The following PRAMEF17 variants were observed in gnomAD, a reference collection of about 807,000 sequenced individuals.
PRAMEF17 encodes the protein PRAME family member 17.
A neutral mutation model predicts 36.8 loss-of-function variants in PRAMEF17; 48 were observed. That is an observed-to-expected ratio of 1.30 (90% CI 1.03 to 1.66). The LOEUF is 1.66. PRAMEF17 is among the 40% of genes most tolerant of loss of function. The pLI is 0.00. For missense variants in PRAMEF17, 639 were observed against 560.6 expected, an observed-to-expected ratio of 1.14 and a Z score of -1.41; for synonymous variants, 246 against 220.4, an observed-to-expected ratio of 1.12 and a Z score of -1.03.
intron 2 of PRAMEF17, 142 bp from the exon 3 acceptor site, chr1:13,391,802 C>T (rs1640886551): frequency 1.6e-6 from 2 of 1,271,992 alleles, no homozygotes; most frequent in Non-Finnish European, 2.2e-6. Context: ...CAGGCTTCCC[C>T]ATTGCAGGTT....
At position 13,390,798 on chromosome 1, in the gene PRAMEF17, G is replaced by A; in HGVS notation, c.745G>A (p.Val249Ile). The change falls in exon 2 of 3, where the codon GTA (valine) becomes ATA (isoleucine). Residue 249 changes from valine (V) to isoleucine (I), a missense_variant. Transcript: ENST00000376098. Reference sequence around the variant, plus strand: ...CTTCGGTTATGACGATGAGTTATATGTAAGCGGCCAACAGCAGTTCGTTCC... The same window carrying A: ...CTTCGGTTATGACGATGAGTTATATATAAGCGGCCAACAGCAGTTCGTTCC... ...LAFGYDDELYVSGQQQFVPDL... is the reference protein window; with the variant it reads ...LAFGYDDELYISGQQQFVPDL... The A allele has an allele frequency of 6.2e-7, 1 of 1,611,966 alleles. No homozygotes were observed. The highest frequency in any genetic ancestry group is 8.5e-7 in the Non-Finnish European group (1 of 1,179,850).
At chr1:13,391,685 C>T (rs1640882248) in intron 2 of PRAMEF17, among the ~76,000 whole-genome samples, 1 of 152,160 alleles carries the variant, frequency 6.6e-6, no homozygotes, top group African/African-American at 2.4e-5. Flanking sequence ...GCTGAAAGGA[C>T]TGAGCCTAAA....
At chr1:13,390,043 C>T in intron 1 of PRAMEF17, 99 bp downstream of exon 1, 1 of 1,567,698 alleles carries the variant, frequency 6.4e-7, no homozygotes, top group Non-Finnish European at 8.7e-7. Context: ...TAGGGTGGCT[C>T]AGAGGCTTCT....
In PRAMEF17 at chr1:13,389,878, A is replaced by G; in HGVS notation, c.221A>G (p.His74Arg). Residue 74 changes from histidine to arginine, a missense_variant, in exon 1 of 3, where the codon CAT becomes CGT. His to Arg is a conservative substitution (Grantham distance 29). Coordinates refer to ENST00000376098, the MANE Select transcript of PRAMEF17 (RefSeq NM_001099851.3). ...LPLGSLMKTP[H>R]LETLQAVLKG... Reference sequence around the variant, plus strand: ...CTGGGATCCCTGATGAAGACACCTCATCTGGAGACCTTGCAAGCTGTGCTG... The same window carrying G: ...CTGGGATCCCTGATGAAGACACCTCGTCTGGAGACCTTGCAAGCTGTGCTG... The G allele has an allele frequency of 1.2e-6, 2 of 1,613,542 alleles. No homozygotes were observed. The highest frequency in any genetic ancestry group is 2.2e-5 in the South Asian group (2 of 91,040).
Position 13,392,139 on chromosome 1 carries a change from C to T in PRAMEF17, c.1062C>T (p.Leu354=). The part of the protein sequence containing the change: ...LEKVAATLEI[L]TLKDCQIQDS... Reference sequence around the variant, plus strand: ...AAGTTGCTGCTACTCTCGAGATCCTCACGTTAAAGGACTGTCAGATCCAGG... The same window carrying T: ...AAGTTGCTGCTACTCTCGAGATCCTTACGTTAAAGGACTGTCAGATCCAGG... Residue 354 remains leucine (L), a synonymous_variant, in exon 3 of 3, where the codon CTC becomes CTT. Coordinates refer to ENST00000376098, the MANE Select transcript of PRAMEF17 (RefSeq NM_001099851.3). 1.9e-6 allele frequency: 3 copies of T among 1,611,970 alleles called. No individual in the cohort carries two copies. The African/African-American group carries it at 4.0e-5, about 22-fold the overall frequency.
intron 2 of PRAMEF17, 120 bp from the exon 3 acceptor site, chr1:13,391,824 T>A: frequency 7.1e-7 from 1 of 1,415,008 alleles, no homozygotes; most frequent in Non-Finnish European, 9.8e-7. Flanking sequence ...CTACAACACC[T>A]GTGTGGTAGT....
chr1:13,390,263 C>A (rs1221607994), intron 1 of PRAMEF17, 78 bp from the exon 2 acceptor site: 1 of 1,599,772 alleles, frequency 6.3e-7, no homozygotes, highest in Non-Finnish European at 8.5e-7. Flanking sequence ...TGACTGATGT[C>A]CTGGATGTTG....
In PRAMEF17 at chr1:13,391,968, C is replaced by G. The variant is rs1640890568; in HGVS notation, c.891C>G (p.Thr297=). 3 of 1,611,486 alleles carry G rather than the reference C, an allele frequency of 1.9e-6. No individual in the cohort carries two copies. Among genetic ancestry groups the G allele is most frequent in the Admixed American group, 1.7e-5 (1 of 59,964 alleles). Residue 297 remains threonine (T), a synonymous_variant, in exon 3 of 3, where the codon ACC becomes ACG. Coordinates refer to ENST00000376098, the MANE Select transcript of PRAMEF17 (RefSeq NM_001099851.3). ...LLRCLKNPLG[T]FIFCHAYLAD... ...GGTGCCTCAAGAACCCCTTGGGAAC[C>G]TTTATATTCTGTCATGCTTACCTAG...
chr1:13,390,026 G>A (rs1162048613), intron 1 of PRAMEF17, 82 bp downstream of exon 1: 23 of 1,598,070 alleles, frequency 1.4e-5, no homozygotes, highest in Non-Finnish European at 1.7e-5. Flanking sequence ...TGGTGGGGTT[G>A]GGGAGCTAGG....
Position 13,390,605 on chromosome 1 carries a change from G to A in PRAMEF17, c.552G>A (p.Lys184=), listed in dbSNP as rs372095942. ...GTCTAGTGCACCTGTGTTGTAATAA[G>A]GTGCAGAATTACTCAATGCCCACTT... is the stretch of plus-strand genomic sequence containing the variant. ...RRGLVHLCCN[K]VQNYSMPTSS... The change falls in exon 2 of 3, where the codon AAG becomes AAA. Residue 184 remains lysine, a synonymous_variant. Transcript: ENST00000376098. The A allele has an allele frequency of 6.1e-5, 98 of 1,611,964 alleles. No individual in the cohort carries two copies. Among genetic ancestry groups the A allele is most frequent in the African/African-American group, 3.9e-4 (29 of 74,942 alleles).
In PRAMEF17 at chr1:13,392,531, C is replaced by T; in HGVS notation, c.*29C>T. 1 of 1,611,758 alleles carries T rather than the reference C, an allele frequency of 6.2e-7. No homozygotes were observed. Among genetic ancestry groups the T allele is most frequent in the Non-Finnish European group, 8.5e-7 (1 of 1,179,796 alleles). ...AGGCCTGATTAGTGGGATGGATATGCTTTCTTCAGGACCCTTAGGCACTAA... is the reference window on the plus strand; with the variant it reads ...AGGCCTGATTAGTGGGATGGATATGTTTTCTTCAGGACCCTTAGGCACTAA... On this transcript the variant is annotated 3_prime_UTR_variant, in exon 3 of 3. Transcript: ENST00000376098.
At position 13,392,047 on chromosome 1, in the gene PRAMEF17, G is replaced by C; in HGVS notation, c.970G>C (p.Glu324Gln). The C allele has an allele frequency of 6.2e-7, 1 of 1,611,786 alleles. No homozygotes were observed. The highest frequency in any genetic ancestry group is 1.1e-5 in the South Asian group (1 of 90,958). The change falls in exon 3 of 3, where the codon GAG becomes CAG. Residue 324 changes from glutamate to glutamine, a missense_variant. Coordinates refer to ENST00000376098, the MANE Select transcript of PRAMEF17 (RefSeq NM_001099851.3). ...SQYPSLSQLK[E>Q]LHLIHILMWT... ...GTACCCAAGCCTCAGTCAGCTAAAG[G>C]AGCTGCATCTGATTCATATCCTAAT...
rs1394089439 is a variant in PRAMEF17 at position 13,392,590 on chromosome 1, T to TG, written c.*89dup. On this transcript the variant is annotated 3_prime_UTR_variant, in exon 3 of 3. Coordinates refer to ENST00000376098, the MANE Select transcript of PRAMEF17 (RefSeq NM_001099851.3). ...ACACAGGTGGGTTTTTTTGTTTTTTTGTTTTTTTTTTGATGGAGTCTCGCT... is the reference window on the plus strand; with the variant it reads ...ACACAGGTGGGTTTTTTTGTTTTTTTGGTTTTTTTTTTGATGGAGTCTCGCT... 2.6e-4 allele frequency: 401 copies of TG among 1,544,802 alleles called. No individual in the cohort carries two copies. Among genetic ancestry groups the TG allele is most frequent in the Middle Eastern group, 1.2e-3 (5 of 4,076 alleles).
At chr1:13,390,273 G>A in intron 1 of PRAMEF17, 68 bp from the exon 2 acceptor site, 1 of 1,607,018 alleles carries the variant, frequency 6.2e-7, no homozygotes, top group Non-Finnish European at 8.5e-7. Context: ...CCTGGATGTT[G>A]AGTGAAAGCT....
Position 13,390,326 on chromosome 1 carries a change from C to A in PRAMEF17, c.288-15C>A. On this transcript the variant is annotated splice_polypyrimidine_tract_variant and intron_variant, in intron 1 of 2. Coordinates refer to ENST00000376098, the MANE Select transcript of PRAMEF17 (RefSeq NM_001099851.3). ...TTTGCCTACATTCTGAGCTTTTCCC[C>A]TATGTTACTCACAGGAGGTGGAAAC... 1 of 1,611,966 alleles carries A rather than the reference C, an allele frequency of 6.2e-7. No homozygotes were observed. The highest frequency in any genetic ancestry group is 8.5e-7 in the Non-Finnish European group (1 of 1,179,848).
Position 13,392,282 on chromosome 1 carries a change from G to A in PRAMEF17, c.1205G>A (p.Gly402Asp). The A allele has an allele frequency of 6.2e-7, 1 of 1,612,022 alleles. No homozygotes were observed. Reference protein sequence around the residue: ...NALKDLLCHTGGLSKLGLELY... With the variant: ...NALKDLLCHTDGLSKLGLELY... ...CTGAAAGACCTGCTGTGTCACACAG[G>A]TGGGCTGAGCAAGTTAGGTCTGGAG... The change falls in exon 3 of 3, where the codon GGT (glycine) becomes GAT (aspartate). Residue 402 changes from glycine (G) to aspartate (D), a missense_variant. Transcript: ENST00000376098.
chr1:13,390,282 C>G, intron 1 of PRAMEF17, 59 bp from the exon 2 acceptor site: 1 of 1,606,074 alleles, frequency 6.2e-7, no homozygotes, highest in South Asian at 1.1e-5. Flanking sequence ...TGAGTGAAAG[C>G]TCAGGTCAGG....
intron 2 of PRAMEF17, among the ~76,000 whole-genome samples, chr1:13,391,622 A>G (rs1180516939): frequency 1 from 152,294 of 152,310 alleles, 76,139 homozygotes; most frequent in Non-Finnish European, 1. Flanking sequence ...CCTGAAAGAT[A>G]AAGTAAAGAG....
At position 13,390,838 on chromosome 1, in the gene PRAMEF17, C is replaced by A; in HGVS notation, c.785C>A (p.Pro262Gln). 6.2e-7 allele frequency: 1 copy of A among 1,612,026 alleles called. No individual in the cohort carries two copies. The highest frequency in any genetic ancestry group is 8.5e-7 in the Non-Finnish European group (1 of 1,179,862). The change falls in exon 2 of 3, where the codon CCA becomes CAA. Residue 262 changes from proline to glutamine, a missense_variant. Transcript: ENST00000376098. Reference protein sequence around the residue: ...QQQFVPDLDCPFLCLYYPQML... With the variant: ...QQQFVPDLDCQFLCLYYPQML... The stretch of plus-strand genomic sequence containing the variant: ...CAGTTCGTTCCTGACTTGGACTGTC[C>A]ATTCCTCTGCCTGTACTACCCTCAG...
Sources: allele counts gnomAD v4.1 joint callset (sites outside exome capture counted in the v4.1 genomes callset), GRCh38; gene constraint gnomAD v4.1.1; transcripts MANE v1.5; gene names NCBI Gene and HGNC (gene_info 2026-07-23, HGNC 2026-07-21).